The following ZNF654 variants were observed in gnomAD, a reference collection of about 807,000 sequenced individuals.
ZNF654 encodes the protein zinc finger protein 654.
In ZNF654, 19 loss-of-function variants were observed where a neutral mutation model predicts 95.3. That is an observed-to-expected ratio of 0.20 (90% CI 0.14 to 0.29). The LOEUF is 0.29. Among genes scored for constraint, ZNF654 ranks in the 10% least tolerant of loss-of-function variants. The probability of loss-of-function intolerance (pLI) is 1.00; values close to 1 mark genes in which losing one functional copy is unlikely to be tolerated. For missense variants in ZNF654, 1,046 were observed against 1,341.0 expected (o/e 0.78, Z 3.44); for synonymous variants, 413 against 457.9 (o/e 0.90, Z 1.25).
Position 88,140,351 on chromosome 3 carries a change from T to C in ZNF654, c.2682T>C (p.Pro894=). ...ILWDVQTDSN[P]NQEKDSSSNE... is the part of the protein sequence containing the mutation. ...GGGATGTTCAGACAGACTCAAATCCTAATCAGGAAAAAGACTCATCTAGTA... is the reference window on the plus strand; with the variant it reads ...GGGATGTTCAGACAGACTCAAATCCCAATCAGGAAAAAGACTCATCTAGTA... The change falls in exon 8 of 9, where the codon CCT becomes CCC. Residue 894 remains proline (P), a synonymous_variant. Transcript: ENST00000636215. The C allele has an allele frequency of 6.2e-7, 1 of 1,613,288 alleles. No homozygotes were observed. The highest frequency in any genetic ancestry group is 8.5e-7 in the Non-Finnish European group (1 of 1,179,592).
At chr3:88,131,806 T>C (rs1483408135) in intron 6 of ZNF654, among the ~76,000 whole-genome samples, 1 of 152,160 alleles carries the variant, frequency 6.6e-6, no homozygotes, top group Admixed American at 6.6e-5. Flanking sequence ...TTTCTTCCTA[T>C]TAAAAGTTAA....
intron 1 of ZNF654, among the ~76,000 whole-genome samples, chr3:88,070,780 A>G (rs1164147033): frequency 2.0e-5 from 3 of 152,108 alleles, no homozygotes; most frequent in Non-Finnish European, 4.4e-5. Flanking sequence ...TCTGTGAAAT[A>G]AGTACTGTTT....
At chr3:88,105,350 A>C (rs1216809434) in intron 2 of ZNF654, among the ~76,000 whole-genome samples, 3 of 152,066 alleles carry the variant, frequency 2.0e-5, no homozygotes, top group Non-Finnish European at 2.9e-5. Context: ...TTCCAAATTC[A>C]TTTTTTACAA....
chr3:88,132,554 T>C (rs553698306), intron 6 of ZNF654, among the ~76,000 whole-genome samples: 1 of 152,352 alleles, frequency 6.6e-6, no homozygotes, highest in East Asian at 1.9e-4. Flanking sequence ...AGATCCCATG[T>C]TTTAAATCCA....
Position 88,143,120 on chromosome 3 carries a change from C to T in ZNF654, c.*1468C>T, listed in dbSNP as rs185779345. On this transcript the variant is annotated 3_prime_UTR_variant, in exon 9 of 9. Coordinates refer to ENST00000636215, the MANE Select transcript of ZNF654 (RefSeq NM_001350134.2). ...TCAAGGCAGATAATCTCATCAGACC[C>T]TATTAGAGCTTCTTGAATGAGGCTA... The T allele has an allele frequency of 2.0e-5, 3 of 152,368 alleles. No individual in the cohort carries two copies. The highest frequency in any genetic ancestry group is 4.8e-5 in the African/African-American group (2 of 41,510). 9.4% of individuals were successfully genotyped at this position (152,368 alleles called of 1,614,324 possible).
intron 2 of ZNF654, 132 bp from the exon 3 acceptor site, chr3:88,112,983 G>A (rs1251686707): frequency 1.7e-6 from 1 of 586,574 alleles, no homozygotes. Flanking sequence ...GAATTCTAGT[G>A]TTCAGTACAA....
Position 88,063,606 on chromosome 3 carries a change from G to C in ZNF654, c.186+4101G>C, listed in dbSNP as rs549960090. On this transcript the variant is annotated intron_variant, in intron 1 of 8. Transcript: ENST00000636215. Reference sequence around the variant, plus strand: ...TTTTTACTAATTCTTGCTATTAATTGGGATTATTTTTAATTTATCTTTAAT... The same window carrying C: ...TTTTTACTAATTCTTGCTATTAATTCGGATTATTTTTAATTTATCTTTAAT... Among the ~76,000 whole-genome samples, 6 of 152,044 alleles carry C rather than the reference G, an allele frequency of 3.9e-5. No individual in the cohort carries two copies. In the South Asian group the frequency reaches 1.0e-3, roughly 26 times the overall value.
chr3:88,143,373 G>A lies in ZNF654; in HGVS notation c.*1721G>A, dbSNP rs1490822052. On this transcript the variant is annotated 3_prime_UTR_variant, in exon 9 of 9. Transcript: ENST00000636215. ...ATTTACATTTAGGTAACTAAACACA[G>A]CTCATAATTAAAATCTTTTCTTTAA... is the stretch of plus-strand genomic sequence containing the variant. 2.0e-5 allele frequency: 3 copies of A among 152,212 alleles called. No homozygotes were observed. The highest frequency in any genetic ancestry group is 4.4e-5 in the Non-Finnish European group (3 of 67,734). 9.4% of individuals were successfully genotyped at this position (152,212 alleles called of 1,614,324 possible).
At chr3:88,106,820 A>G (rs1425319807) in intron 2 of ZNF654, among the ~76,000 whole-genome samples, 4 of 151,628 alleles carry the variant, frequency 2.6e-5, no homozygotes, top group Non-Finnish European at 4.4e-5. Flanking sequence ...TTTTTTTCTG[A>G]TATTTGTCCT....
At chr3:88,070,520 T>C (rs1404147892) in intron 1 of ZNF654, among the ~76,000 whole-genome samples, 5 of 150,396 alleles carry the variant, frequency 3.3e-5, no homozygotes, top group African/African-American at 9.8e-5. Flanking sequence ...AAAAAAGTTA[T>C]GAACCTTTGC....
Position 88,140,321 on chromosome 3 carries a change from T to G in ZNF654, c.2652T>G (p.Ile884Met), listed in dbSNP as rs770815826. Residue 884 changes from isoleucine to methionine, a missense_variant, in exon 8 of 9, where the codon ATT becomes ATG. This residue lies in a region of ZNF654 where 495 missense variants were observed against 537.0 expected (regional missense o/e 0.92). Coordinates refer to ENST00000636215, the MANE Select transcript of ZNF654 (RefSeq NM_001350134.2). ...PESSAQPSET[I>M]LWDVQTDSNP... ...CATCTGCACAACCAAGTGAAACAAT[T>G]CTTTGGGATGTTCAGACAGACTCAA... 3.3e-5 allele frequency: 54 copies of G among 1,613,568 alleles called. No homozygotes were observed. The South Asian group carries it at 5.4e-4, about 16-fold the overall frequency.
chr3:88,059,313 G>A lies in ZNF654; in HGVS notation c.-7G>A, dbSNP rs1478602843. 2 of 1,533,758 alleles carry A rather than the reference G, an allele frequency of 1.3e-6. No homozygotes were observed. Among genetic ancestry groups the A allele is most frequent in the Non-Finnish European group, 1.7e-6 (2 of 1,146,656 alleles). On this transcript the variant is annotated 5_prime_UTR_variant, in exon 1 of 9. Transcript: ENST00000636215. ...GGGGCTGGTACGCGCTGGGCGGCGAGAGCCTCATGGCGGAGGAAGAGAGCG... is the reference window on the plus strand; with the variant it reads ...GGGGCTGGTACGCGCTGGGCGGCGAAAGCCTCATGGCGGAGGAAGAGAGCG...
Position 88,140,759 on chromosome 3 carries a change from A to G in ZNF654, c.3090A>G (p.Pro1030=). ...TLPVSQAPSK[P]NLTSEHTSYG... ...CAGTATCTCAGGCACCTTCCAAACC[A>G]AATCTGACAAGTGAACATACTTCAT... is the stretch of plus-strand genomic sequence containing the variant. Residue 1030 remains proline, a synonymous_variant, in exon 8 of 9, where the codon CCA becomes CCG. Transcript: ENST00000636215. The G allele has an allele frequency of 1.9e-6, 3 of 1,613,738 alleles. No individual in the cohort carries two copies. The highest frequency in any genetic ancestry group is 2.5e-6 in the Non-Finnish European group (3 of 1,179,746).
chr3:88,074,974 A>G (rs1252907905), intron 1 of ZNF654, among the ~76,000 whole-genome samples: 1 of 152,158 alleles, frequency 6.6e-6, no homozygotes, highest in Non-Finnish European at 1.5e-5. Flanking sequence ...TCTGTTTGCC[A>G]TATTTTGTGG....
chr3:88,065,482 G>A (rs558311283), intron 1 of ZNF654, among the ~76,000 whole-genome samples: 70 of 152,124 alleles, frequency 4.6e-4, no homozygotes, highest in Non-Finnish European at 9.3e-4. Flanking sequence ...TTATTCATAC[G>A]AGAAACTGTT....
chr3:88,121,676 A>G (rs909925489), intron 3 of ZNF654, among the ~76,000 whole-genome samples: 12 of 152,292 alleles, frequency 7.9e-5, no homozygotes, highest in African/African-American at 2.2e-4. Context: ...GAGATAACCA[A>G]TCAATGTGTA....
At chr3:88,105,078 A>G (rs1704654539) in intron 2 of ZNF654, among the ~76,000 whole-genome samples, 2 of 152,144 alleles carry the variant, frequency 1.3e-5, no homozygotes, top group Non-Finnish European at 2.9e-5. Context: ...AGGTGGAGGT[A>G]GCAGTGAGCT....
chr3:88,138,832 T>G lies in ZNF654; in HGVS notation c.1163T>G (p.Leu388Trp). ...KTIAHFLPND[L>W]EILRICALSI... The stretch of plus-strand genomic sequence containing the variant: ...ATTGCACATTTTTTGCCAAATGATT[T>G]GGAGATCCTCAGGATTTGTGCACTC... The change falls in exon 8 of 9, where the codon TTG becomes TGG. Residue 388 changes from leucine (L) to tryptophan (W), a missense_variant. Leu to Trp is a moderately conservative substitution (Grantham distance 61). This residue lies in a region of ZNF654 where 78 missense variants were observed against 154.2 expected (regional missense o/e 0.51). Transcript: ENST00000636215. 1 of 1,232,052 alleles carries G rather than the reference T, an allele frequency of 8.1e-7. No homozygotes were observed. Among genetic ancestry groups the G allele is most frequent in the Non-Finnish European group, 1.0e-6 (1 of 987,914 alleles). The allele number at this position is 1,232,052 out of a possible 1,614,324, so 76.3% of individuals were successfully genotyped here.
chr3:88,087,518 A>G (rs1455319020), intron 2 of ZNF654, among the ~76,000 whole-genome samples: 1 of 152,244 alleles, frequency 6.6e-6, no homozygotes, highest in African/African-American at 2.4e-5. Flanking sequence ...AATGAAAATA[A>G]ATAGAGAAAG....
Sources: gnomAD v4.1 joint callset for allele counts (sites outside exome capture counted in the v4.1 genomes callset) on GRCh38, gnomAD v4.1.1 for gene constraint, gnomAD v4.1.1 regional missense constraint, MANE v1.5 for transcripts, NCBI Gene and HGNC (gene_info 2026-07-23, HGNC 2026-07-21) for gene names.